HPSE2: variants seen among roughly 807,000 people sequenced by gnomAD.
HPSE2 encodes inactive heparanase-2.
In HPSE2, 38 loss-of-function variants were observed where a neutral mutation model predicts 60.5. That is an observed-to-expected ratio of 0.63 (90% CI 0.48 to 0.82). The LOEUF is 0.82. HPSE2 is among the 40% of genes least tolerant of loss of function. HPSE2 has a pLI of 0.00. For synonymous variants in HPSE2, 295 were observed against 293.2 expected (o/e 1.01, Z -0.06); for missense variants, 713 against 740.4 (o/e 0.96, Z 0.43).
Position 98,690,719 on chromosome 10 carries a change from A to G in HPSE2, c.1004+3181T>C, listed in dbSNP as rs1334893031. Among the ~76,000 whole-genome samples, 2 of 151,580 alleles carry G rather than the reference A, an allele frequency of 1.3e-5. 1 individual carries two copies. Among genetic ancestry groups the G allele is most frequent in the Non-Finnish European group, 2.9e-5 (2 of 67,950 alleles). On this transcript the variant is annotated intron_variant, in intron 6 of 11. Transcript: ENST00000370552. ...TTTATATTTTATCATTGCTCTCTAT[A>G]TAAGGGTTATTATGATACAAGCTAC...
intron 9 of HPSE2, among the ~76,000 whole-genome samples, chr10:98,548,501 C>G (rs1943761886): frequency 6.6e-6 from 1 of 151,992 alleles, no homozygotes; most frequent in Admixed American, 6.6e-5. Flanking sequence ...CTTGTAATCC[C>G]AGCTACTTGG....
At chr10:99,224,384 CTCATTCTCATAT>C (rs994418639) in intron 2 of HPSE2, among the ~76,000 whole-genome samples, 50 of 151,574 alleles carry the variant, frequency 3.3e-4, no homozygotes, top group African/African-American at 1.2e-3. Flanking sequence ...ACAAAATTCT[CTCATTCTCATAT>C]TCATTCTCAC....
At chr10:98,520,284 G>C (rs907568750) in intron 9 of HPSE2, among the ~76,000 whole-genome samples, 1 of 152,154 alleles carries the variant, frequency 6.6e-6, no homozygotes, top group Non-Finnish European at 1.5e-5. Flanking sequence ...TAAGTTTAGG[G>C]TCTTTTCTGA....
At chr10:98,826,519 CT>C (rs1444259557) in intron 3 of HPSE2, among the ~76,000 whole-genome samples, 1 of 152,190 alleles carries the variant, frequency 6.6e-6, no homozygotes, top group East Asian at 1.9e-4. Context: ...GACTCTGTGA[CT>C]ACTCAAGTAA....
chr10:98,879,589 G>A (rs1952965242), intron 3 of HPSE2, among the ~76,000 whole-genome samples: 2 of 151,806 alleles, frequency 1.3e-5, no homozygotes, highest in African/African-American at 4.8e-5. Context: ...ACCATGATGT[G>A]TATCCTGGCA....
chr10:98,708,967 C>G (rs1188189669), intron 5 of HPSE2, among the ~76,000 whole-genome samples: 1 of 152,188 alleles, frequency 6.6e-6, no homozygotes, highest in Non-Finnish European at 1.5e-5. Flanking sequence ...CTCCCTGCCC[C>G]CATGAACCTT....
At chr10:98,937,555 G>T (rs1243343605) in intron 3 of HPSE2, among the ~76,000 whole-genome samples, 1 of 144,282 alleles carries the variant, frequency 6.9e-6, no homozygotes, top group Non-Finnish European at 1.5e-5. Context: ...CCATTGCCCA[G>T]GCTTTCTTAG....
chr10:98,918,719 A>G (rs1005186825), intron 3 of HPSE2, among the ~76,000 whole-genome samples: 21 of 145,734 alleles, frequency 1.4e-4, no homozygotes, highest in Non-Finnish European at 2.9e-4. Context: ...TAGGAGATAT[A>G]CCTAATGCTA....
chr10:99,183,599 T>TAAACCCC (rs1564876667), intron 2 of HPSE2, among the ~76,000 whole-genome samples: 1 of 152,200 alleles, frequency 6.6e-6, no homozygotes, highest in Non-Finnish European at 1.5e-5. Flanking sequence ...AAACCCCTAA[T>TAAACCCC]TTTAGTCAAT....
intron 3 of HPSE2, among the ~76,000 whole-genome samples, chr10:98,835,882 G>A (rs1477936204): frequency 6.6e-6 from 1 of 152,092 alleles, no homozygotes; most frequent in African/African-American, 2.4e-5. Context: ...GTTTTGGACT[G>A]AGCTCCTGCA....
intron 9 of HPSE2, among the ~76,000 whole-genome samples, chr10:98,530,603 C>T (rs1193550034): frequency 6.6e-6 from 1 of 152,246 alleles, no homozygotes; most frequent in Admixed American, 6.5e-5. Context: ...TTTGATTTCA[C>T]TGCCTGACAA....
chr10:99,264,246 C>G, the HPSE2 span, among the ~76,000 whole-genome samples: 4 of 151,992 alleles, frequency 2.6e-5, no homozygotes, highest in Non-Finnish European at 5.9e-5. Context: ...CACCACCATG[C>G]CCGGCTAATT....
the HPSE2 span, among the ~76,000 whole-genome samples, chr10:99,245,336 T>C: frequency 6.6e-6 from 1 of 152,158 alleles, no homozygotes; most frequent in Non-Finnish European, 1.5e-5. Flanking sequence ...GAGAGCAAAT[T>C]TAGATGACAA....
intron 3 of HPSE2, among the ~76,000 whole-genome samples, chr10:98,814,965 G>GA (rs143332660): frequency 0.05 from 7,630 of 152,128 alleles, 603 homozygotes; most frequent in African/African-American, 0.17. Context: ...AGAATAACTA[G>GA]AAAAAAACAA....
chr10:98,574,068 T>C (rs2485029), intron 9 of HPSE2, among the ~76,000 whole-genome samples: 2 of 149,496 alleles, frequency 1.3e-5, no homozygotes, highest in African/African-American at 5.0e-5. Flanking sequence ...CCCTCACGCC[T>C]AGGAAACTAC....
chr10:98,842,366 G>C (rs1248482489), intron 3 of HPSE2, among the ~76,000 whole-genome samples: 1 of 152,074 alleles, frequency 6.6e-6, no homozygotes, highest in Non-Finnish European at 1.5e-5. Context: ...ATGGCTACAT[G>C]GTCTCTGCCA....
In HPSE2 at chr10:98,527,980, C is replaced by T. The variant is rs868110645; in HGVS notation, c.1321-37784G>A. ...AGCCCCCAAGTTGCTGATCTGAGGC[C>T]CTTCAGCAGTGGGACAGGTGGGTAT... is the stretch of plus-strand genomic sequence containing the variant. On this transcript the variant is annotated intron_variant, in intron 9 of 11. Coordinates refer to ENST00000370552, the MANE Select transcript of HPSE2 (RefSeq NM_021828.5). 1.2e-4 allele frequency among the ~76,000 whole-genome samples: 19 copies of T among 152,296 alleles called. No individual in the cohort carries two copies. In the Middle Eastern group the frequency reaches 0.01, roughly 82 times the overall value.
chr10:99,009,940 C>T (rs778363377), intron 3 of HPSE2, among the ~76,000 whole-genome samples: 4 of 152,156 alleles, frequency 2.6e-5, no homozygotes, highest in Non-Finnish European at 5.9e-5. Context: ...TTCATAAAAA[C>T]TTGTCACTTG....
chr10:98,726,363 T>C (rs1381454415), intron 4 of HPSE2, among the ~76,000 whole-genome samples: 1 of 151,870 alleles, frequency 6.6e-6, no homozygotes, highest in East Asian at 1.9e-4. Context: ...GAAACCATCA[T>C]TCTCAGTAAA....
Sources: allele counts gnomAD v4.1 joint callset (sites outside exome capture counted in the v4.1 genomes callset), GRCh38; gene constraint gnomAD v4.1.1; transcripts MANE v1.5; gene names NCBI Gene and HGNC (gene_info 2026-07-23, HGNC 2026-07-21).